The following MARCHF1 variants were observed in gnomAD, a reference collection of about 807,000 sequenced individuals.
The protein encoded by MARCHF1 is E3 ubiquitin-protein ligase MARCHF1.
In MARCHF1, 40 loss-of-function variants were observed where a neutral mutation model predicts 54.2. The observed-to-expected ratio is 0.74, with a 90% confidence interval of 0.57 to 0.96. MARCHF1 has a LOEUF of 0.96. Ranked by LOEUF, MARCHF1 falls within the 40% of genes least tolerant of loss-of-function variation. The pLI, the probability that MARCHF1 is intolerant of heterozygous loss-of-function variation, is 0.00. For missense variants in MARCHF1, 586 were observed against 656.5 expected, an observed-to-expected ratio of 0.89 and a Z score of 1.17; for synonymous variants, 236 against 236.3, an observed-to-expected ratio of 1.00 and a Z score of 0.01.
chr4:163,834,169 T>C (rs1749110887), intron 4 of MARCHF1, among the ~76,000 whole-genome samples: 1 of 152,184 alleles, frequency 6.6e-6, no homozygotes, highest in Non-Finnish European at 1.5e-5. Flanking sequence ...GCTAATTTCA[T>C]GTTTGACACA....
intron 4 of MARCHF1, among the ~76,000 whole-genome samples, chr4:163,837,733 T>G (rs10003307): frequency 1.3e-5 from 2 of 151,876 alleles, no homozygotes; most frequent in Admixed American, 1.3e-4. Context: ...AACATGTCTC[T>G]GTAACTACTA....
At chr4:164,272,801 AAAT>A (rs1478700543) in intron 1 of MARCHF1, among the ~76,000 whole-genome samples, 3 of 151,902 alleles carry the variant, frequency 2.0e-5, no homozygotes, top group African/African-American at 7.2e-5. Context: ...TTGCATAATT[AAAT>A]ATTATGCAAT....
chr4:164,116,185 C>T (rs1269445542), intron 1 of MARCHF1, among the ~76,000 whole-genome samples: 3 of 152,016 alleles, frequency 2.0e-5, no homozygotes, highest in African/African-American at 7.2e-5. Context: ...TCATGCAAAA[C>T]ATTTACAGAT....
intron 1 of MARCHF1, among the ~76,000 whole-genome samples, chr4:164,142,725 A>T (rs1200194442): frequency 6.6e-6 from 1 of 152,226 alleles, no homozygotes; most frequent in Non-Finnish European, 1.5e-5. Context: ...ATGGGGAAAA[A>T]ACACAGCAGA....
chr4:164,351,674 A>G (rs1730341202), intron 1 of MARCHF1, among the ~76,000 whole-genome samples: 1 of 152,028 alleles, frequency 6.6e-6, no homozygotes, highest in African/African-American at 2.4e-5. Flanking sequence ...AACAGAACAG[A>G]AAAACTGGAA....
intron 1 of MARCHF1, among the ~76,000 whole-genome samples, chr4:164,206,036 T>C: frequency 6.6e-6 from 1 of 152,330 alleles, no homozygotes; most frequent in African/African-American, 2.4e-5. Flanking sequence ...TCTATTAATC[T>C]ATTCTATTCT....
At chr4:164,179,788 A>G (rs1730785660) in intron 1 of MARCHF1, among the ~76,000 whole-genome samples, 1 of 151,778 alleles carries the variant, frequency 6.6e-6, no homozygotes, top group South Asian at 2.1e-4. Flanking sequence ...GAAAATTTTG[A>G]TTTGCATAAA....
At chr4:163,945,189 G>T (rs1751999355) in intron 3 of MARCHF1, among the ~76,000 whole-genome samples, 1 of 151,938 alleles carries the variant, frequency 6.6e-6, no homozygotes, top group Non-Finnish European at 1.5e-5. Context: ...GAAATGTCTG[G>T]TTTTCTCCTA....
At chr4:163,602,261 GCACAGTAC>G (rs1221698106) in intron 7 of MARCHF1, among the ~76,000 whole-genome samples, 1 of 152,032 alleles carries the variant, frequency 6.6e-6, no homozygotes, top group Non-Finnish European at 1.5e-5. Flanking sequence ...ACTCTGTAAA[GCACAGTAC>G]CATAGGGTAT....
intron 3 of MARCHF1, among the ~76,000 whole-genome samples, chr4:163,889,542 T>C (rs892156469): frequency 6.6e-6 from 1 of 152,154 alleles, no homozygotes; most frequent in Non-Finnish European, 1.5e-5. Context: ...TCAATAAATA[T>C]ATCTTACATG....
At chr4:164,212,413 G>A (rs1244622172) in intron 1 of MARCHF1, among the ~76,000 whole-genome samples, 1 of 151,966 alleles carries the variant, frequency 6.6e-6, no homozygotes, top group Non-Finnish European at 1.5e-5. Flanking sequence ...TCAGAGCTTA[G>A]GCTCTGAATT....
intron 4 of MARCHF1, among the ~76,000 whole-genome samples, chr4:163,761,742 G>T (rs1746831413): frequency 6.6e-6 from 1 of 151,994 alleles, no homozygotes; most frequent in South Asian, 2.1e-4. Flanking sequence ...GCCACCACAT[G>T]GTATGAGAAC....
intron 2 of MARCHF1, among the ~76,000 whole-genome samples, chr4:164,013,448 A>C (rs991886559): frequency 2.6e-5 from 4 of 152,316 alleles, no homozygotes; most frequent in African/African-American, 9.6e-5. Context: ...ATTGGCCTTA[A>C]GGAGGATGGA....
At chr4:164,161,556 A>T (rs1281743502) in intron 1 of MARCHF1, among the ~76,000 whole-genome samples, 1 of 109,584 alleles carries the variant, frequency 9.1e-6, no homozygotes, top group East Asian at 2.8e-4. Flanking sequence ...CAGCAGCAGC[A>T]GCAGCAGCAG....
chr4:163,688,896 G>A (rs919480633), intron 5 of MARCHF1, among the ~76,000 whole-genome samples: 4 of 152,088 alleles, frequency 2.6e-5, no homozygotes, highest in African/African-American at 9.7e-5. Flanking sequence ...TAAATGAAAT[G>A]GAATCAGTCT....
intron 4 of MARCHF1, among the ~76,000 whole-genome samples, chr4:163,703,114 G>C (rs1435293727): frequency 6.6e-6 from 1 of 152,032 alleles, no homozygotes; most frequent in Non-Finnish European, 1.5e-5. Flanking sequence ...AGTTATAAAT[G>C]AAAACATTTT....
intron 2 of MARCHF1, among the ~76,000 whole-genome samples, chr4:164,102,526 T>G (rs1755588690): frequency 6.7e-6 from 1 of 149,546 alleles, no homozygotes; most frequent in African/African-American, 2.5e-5. Context: ...GCTTCATAAG[T>G]GAAGGAGAAA....
intron 4 of MARCHF1, among the ~76,000 whole-genome samples, chr4:163,735,260 C>G (rs1746002186): frequency 6.6e-6 from 1 of 152,042 alleles, no homozygotes; most frequent in Admixed American, 6.6e-5. Context: ...GATCTTATCA[C>G]CACCTGGTAT....
intron 1 of MARCHF1, among the ~76,000 whole-genome samples, chr4:164,280,951 C>T (rs1025659247): frequency 6.6e-6 from 1 of 151,986 alleles, no homozygotes; most frequent in Non-Finnish European, 1.5e-5. Flanking sequence ...AGCAATTGTA[C>T]AATACTTTAG....
Sources: allele counts gnomAD v4.1 joint callset (sites outside exome capture counted in the v4.1 genomes callset), GRCh38; gene constraint gnomAD v4.1.1; transcripts MANE v1.5; gene names NCBI Gene and HGNC (gene_info 2026-07-23, HGNC 2026-07-21).